DPP10: variants seen among roughly 807,000 people sequenced by gnomAD.
DPP10 encodes the protein dipeptidyl peptidase like 10, also known as inactive dipeptidyl peptidase 10.
A neutral mutation model predicts 120.9 loss-of-function variants in DPP10; 33 were observed. The ratio of observed to expected loss-of-function variants is 0.27; its 90% confidence interval spans 0.21 to 0.37. The LOEUF is 0.37. Among genes scored for constraint, DPP10 ranks in the 10% least tolerant of loss-of-function variants. DPP10 has a pLI of 1.00. For missense variants in DPP10, 816 were observed against 942.8 expected, an observed-to-expected ratio of 0.87 and a Z score of 1.76; for synonymous variants, 337 against 326.1, an observed-to-expected ratio of 1.03 and a Z score of -0.36.
chr2:115,367,241 T>C (rs1328832321), intron 3 of DPP10, among the ~76,000 whole-genome samples: 1 of 151,982 alleles, frequency 6.6e-6, no homozygotes, highest in African/African-American at 2.4e-5. Context: ...GTTTTGATTA[T>C]GTTTGTTTGT....
At chr2:114,968,639 T>C (rs766396512) in intron 1 of DPP10, among the ~76,000 whole-genome samples, 1 of 152,176 alleles carries the variant, frequency 6.6e-6, no homozygotes, top group Non-Finnish European at 1.5e-5. Context: ...GAACAATCTG[T>C]TTATAAAGTC....
chr2:115,322,861 A>G (rs34613117), intron 2 of DPP10, among the ~76,000 whole-genome samples: 61,144 of 152,050 alleles, frequency 0.4, 15,007 homozygotes, highest in Non-Finnish European at 0.55. Context: ...GACCTTAAAT[A>G]AAAACTGCTT....
chr2:115,350,355 G>A (rs11904318), intron 3 of DPP10, among the ~76,000 whole-genome samples: 2,390 of 152,136 alleles, frequency 0.016, 67 homozygotes, highest in African/African-American at 0.054. Context: ...TTTTCTGTTA[G>A]AGTGATTGAG....
chr2:114,593,363 C>T (rs1691620974), intron 1 of DPP10, among the ~76,000 whole-genome samples: 2 of 152,116 alleles, frequency 1.3e-5, no homozygotes, highest in Admixed American at 1.3e-4. Context: ...TGCTTTTATT[C>T]ACTGAGTGCT....
chr2:114,874,029 A>G (rs1690934877), intron 1 of DPP10, among the ~76,000 whole-genome samples: 1 of 152,192 alleles, frequency 6.6e-6, no homozygotes. Flanking sequence ...GCTGCATTCA[A>G]AGACAAACTG....
At chr2:115,478,310 G>A (rs1245413024) in intron 3 of DPP10, among the ~76,000 whole-genome samples, 2 of 152,184 alleles carry the variant, frequency 1.3e-5, no homozygotes, top group Admixed American at 6.5e-5. Context: ...GTGAGGAAAA[G>A]ACAGTACTTT....
intron 1 of DPP10, among the ~76,000 whole-genome samples, chr2:114,947,337 CA>C (rs1697440751): frequency 6.6e-6 from 1 of 150,424 alleles, no homozygotes; most frequent in South Asian, 2.1e-4. Flanking sequence ...CATTATTTTC[CA>C]TATTGGCCTA....
intron 1 of DPP10, among the ~76,000 whole-genome samples, chr2:115,056,350 G>A (rs1154714): frequency 0.97 from 147,333 of 152,232 alleles, 71,502 homozygotes; most frequent in Middle Eastern, 1. Context: ...GGCACACCAT[G>A]ATTATAGGTT....
At chr2:114,933,601 A>C (rs771271118) in intron 1 of DPP10, among the ~76,000 whole-genome samples, 4 of 152,226 alleles carry the variant, frequency 2.6e-5, no homozygotes, top group Non-Finnish European at 5.9e-5. Context: ...GATTGACTAA[A>C]TTTGCAAGAG....
At chr2:115,554,994 T>A (rs1276831744) in intron 5 of DPP10, among the ~76,000 whole-genome samples, 2 of 152,064 alleles carry the variant, frequency 1.3e-5, no homozygotes, top group African/African-American at 4.8e-5. Context: ...TCCTGTTGAG[T>A]ACTGGGAGAA....
At chr2:115,621,912 A>G (rs1170393076) in intron 5 of DPP10, among the ~76,000 whole-genome samples, 1 of 152,086 alleles carries the variant, frequency 6.6e-6, no homozygotes, top group African/African-American at 2.4e-5. Context: ...TCCTGACCTC[A>G]GGTGGTCCGC....
intron 1 of DPP10, among the ~76,000 whole-genome samples, chr2:115,029,635 T>C (rs564211315): frequency 8.5e-5 from 13 of 152,260 alleles, no homozygotes; most frequent in African/African-American, 2.6e-4. Flanking sequence ...TGTTGGTTCT[T>C]ATAGGATATG....
intron 2 of DPP10, among the ~76,000 whole-genome samples, chr2:115,335,038 G>A (rs1051632020): frequency 4.0e-5 from 6 of 151,848 alleles, no homozygotes; most frequent in Non-Finnish European, 8.8e-5. Flanking sequence ...TGTATGGCTG[G>A]GGAGGCTTCA....
chr2:115,544,940 T>G (rs1222585081), intron 5 of DPP10, among the ~76,000 whole-genome samples: 1 of 152,094 alleles, frequency 6.6e-6, no homozygotes, highest in Non-Finnish European at 1.5e-5. Context: ...TCTTGACTGC[T>G]GCCTAAGTTG....
chr2:114,759,017 A>C (rs1680044884), intron 1 of DPP10, among the ~76,000 whole-genome samples: 1 of 152,244 alleles, frequency 6.6e-6, no homozygotes, highest in Non-Finnish European at 1.5e-5. Flanking sequence ...AAGATAAGAA[A>C]TGGATTAATG....
At chr2:114,771,331 C>T (rs1169480460) in intron 1 of DPP10, among the ~76,000 whole-genome samples, 1 of 152,162 alleles carries the variant, frequency 6.6e-6, no homozygotes, top group Admixed American at 6.6e-5. Flanking sequence ...AGACAGCAGT[C>T]ACACCTAAGA....
chr2:114,707,336 T>C (rs1256502752), intron 1 of DPP10, among the ~76,000 whole-genome samples: 7 of 152,204 alleles, frequency 4.6e-5, no homozygotes, highest in African/African-American at 7.2e-5. Flanking sequence ...ATTATGGTAA[T>C]CTAATCAGAT....
intron 1 of DPP10, among the ~76,000 whole-genome samples, chr2:114,832,675 C>A (rs969387879): frequency 1.3e-5 from 2 of 151,926 alleles, no homozygotes; most frequent in East Asian, 3.8e-4. Flanking sequence ...ATTATTTTTC[C>A]TATTTACAGA....
chr2:114,864,875 A>T (rs1690100421), intron 1 of DPP10, among the ~76,000 whole-genome samples: 4 of 152,194 alleles, frequency 2.6e-5, no homozygotes, highest in Admixed American at 2.6e-4. Context: ...ATCTTCACAA[A>T]GCCATTTTCA....
Sources: allele counts gnomAD v4.1 joint callset (sites outside exome capture counted in the v4.1 genomes callset), GRCh38; gene constraint gnomAD v4.1.1; transcripts MANE v1.5; gene names NCBI Gene and HGNC (gene_info 2026-07-23, HGNC 2026-07-21).